Variants in LDLRAD4 observed in about 807,000 individuals in gnomAD.
LDLRAD4 encodes low-density lipoprotein receptor class A domain-containing protein 4.
A neutral mutation model predicts 17.0 loss-of-function variants in LDLRAD4; 5 were observed. That is an observed-to-expected ratio of 0.29 (90% confidence interval 0.15 to 0.62). The LOEUF is 0.62. Among genes scored for constraint, LDLRAD4 ranks in the 20% least tolerant of loss-of-function variants. The pLI, the probability that LDLRAD4 is intolerant of heterozygous loss-of-function variation, is 0.84. For missense variants in LDLRAD4, 340 were observed against 424.7 expected (o/e 0.80, Z 1.75); for synonymous variants, 168 against 171.8 (o/e 0.98, Z 0.17).
intron 2 of LDLRAD4, among the ~76,000 whole-genome samples, chr18:13,389,607 G>A (rs1322811331): frequency 2.0e-5 from 3 of 152,208 alleles, no homozygotes; most frequent in Non-Finnish European, 2.9e-5. Flanking sequence ...CTCTTAGGAA[G>A]CTGCCCTGAC....
At chr18:13,630,995 CTG>C (rs1052740835) in intron 4 of LDLRAD4, among the ~76,000 whole-genome samples, 1 of 152,090 alleles carries the variant, frequency 6.6e-6, no homozygotes. Flanking sequence ...CTGGGGTCCT[CTG>C]TGTGTGTGTG....
intron 2 of LDLRAD4, among the ~76,000 whole-genome samples, chr18:13,435,640 G>A (rs1290482279): frequency 6.6e-6 from 1 of 152,106 alleles, no homozygotes; most frequent in Admixed American, 6.5e-5. Context: ...TAGAGACAGG[G>A]TCTCGCTTTG....
chr18:13,473,592 G>A (rs995486637), intron 3 of LDLRAD4, among the ~76,000 whole-genome samples: 1 of 139,126 alleles, frequency 7.2e-6, no homozygotes, highest in Non-Finnish European at 1.5e-5. Flanking sequence ...AGCTATGATC[G>A]TGTCACTACA....
chr18:13,481,793 T>C lies in LDLRAD4; in HGVS notation c.181+43409T>C, dbSNP rs377672659. Among the ~76,000 whole-genome samples the C allele has an allele frequency of 3.9e-5, 6 of 151,972 alleles. 1 individual carries two copies. In the East Asian group the frequency reaches 1.2e-3, roughly 29 times the overall value. ...CATGAGCCCCTCTAGGAAGGGAGGA[T>C]GGTTAGATTCATCATTATGGGAGTG... On this transcript the variant is annotated intron_variant, in intron 3 of 5. Transcript: ENST00000359446.
chr18:13,393,371 G>A (rs1329568825), intron 2 of LDLRAD4, among the ~76,000 whole-genome samples: 3 of 152,152 alleles, frequency 2.0e-5, no homozygotes, highest in Non-Finnish European at 2.9e-5. Context: ...GGCAGGCAGC[G>A]GGCAGTGTTT....
intron 1 of LDLRAD4, among the ~76,000 whole-genome samples, chr18:13,250,063 T>C (rs1268606602): frequency 6.6e-6 from 1 of 152,246 alleles, no homozygotes; most frequent in Non-Finnish European, 1.5e-5. Context: ...CCTAGCACTA[T>C]TTATCGAAGA....
At chr18:13,381,721 C>T (rs557202948) in intron 1 of LDLRAD4, among the ~76,000 whole-genome samples, 82 of 152,298 alleles carry the variant, frequency 5.4e-4, no homozygotes, top group Middle Eastern at 3.4e-3. Context: ...GACACCTGGT[C>T]CCAGCTCAAG....
At chr18:13,373,659 C>G (rs549955029) in intron 1 of LDLRAD4, among the ~76,000 whole-genome samples, 1 of 152,230 alleles carries the variant, frequency 6.6e-6, no homozygotes, top group Non-Finnish European at 1.5e-5. Context: ...TGAAATAGCT[C>G]CCCTTTTATA....
rs1169414369 is a variant in LDLRAD4 at position 13,509,333 on chromosome 18, C to A, written c.181+70949C>A. ...TGTCTCAAAGACAGCAACAAAAACA[C>A]AACAGGTATTTGGAAGAATTGGGTT... On this transcript the variant is annotated intron_variant, in intron 3 of 5. Transcript: ENST00000359446. Among the ~76,000 whole-genome samples, 12 of 152,286 alleles carry A rather than the reference C, an allele frequency of 7.9e-5. No individual in the cohort carries two copies. The East Asian group carries it at 1.3e-3, about 17-fold the overall frequency.
chr18:13,380,718 T>G (rs1046094171), intron 1 of LDLRAD4, among the ~76,000 whole-genome samples: 2 of 152,234 alleles, frequency 1.3e-5, no homozygotes, highest in African/African-American at 4.8e-5. Context: ...TTATTGCTTT[T>G]CCTGTTTGCA....
At chr18:13,523,315 A>AG (rs1416934452) in intron 3 of LDLRAD4, among the ~76,000 whole-genome samples, 1 of 152,160 alleles carries the variant, frequency 6.6e-6, no homozygotes, top group Admixed American at 6.5e-5. Flanking sequence ...GTGAGTCTTT[A>AG]GGGGGGACAT....
intron 3 of LDLRAD4, among the ~76,000 whole-genome samples, chr18:13,586,766 T>C (rs1281263766): frequency 1.3e-5 from 2 of 150,994 alleles, no homozygotes; most frequent in Admixed American, 1.3e-4. Flanking sequence ...CGCACACCTG[T>C]AATCCCACAT....
chr18:13,312,330 T>G (rs1029465729), intron 1 of LDLRAD4, among the ~76,000 whole-genome samples: 1 of 152,252 alleles, frequency 6.6e-6, no homozygotes, highest in African/African-American at 2.4e-5. Flanking sequence ...TATCTCATTA[T>G]GTACATGCAG....
At position 13,385,745 on chromosome 18, in the gene LDLRAD4, C is replaced by T. The variant is rs1006959673; in HGVS notation, c.-382-1596C>T. On this transcript the variant is annotated intron_variant, in intron 1 of 5. Transcript: ENST00000359446. ...GATGCTAGTGCAACTAGTTTTCTTC[C>T]GAAGTTCCTGTAGGACCTGCATGTT... Among the ~76,000 whole-genome samples, 7 of 152,258 alleles carry T rather than the reference C, an allele frequency of 4.6e-5. No individual in the cohort carries two copies. The East Asian group carries it at 7.7e-4, about 17-fold the overall frequency.
At chr18:13,321,861 C>CAAAAAAAAAAAAAGAAAAAAA (rs2081242564) in intron 1 of LDLRAD4, among the ~76,000 whole-genome samples, 2 of 62,140 alleles carry the variant, frequency 3.2e-5, no homozygotes, top group African/African-American at 1.3e-4. Context: ...GACTCCGTCT[C>CAAAAAAAAAAAAAGAAAAAAA]AAAAAAAAAA....
At chr18:13,625,514 C>T (rs1343967127) in intron 4 of LDLRAD4, among the ~76,000 whole-genome samples, 1 of 152,120 alleles carries the variant, frequency 6.6e-6, no homozygotes, top group Admixed American at 6.5e-5. Flanking sequence ...CAGACAGCAT[C>T]ACTGTGGCCC....
At position 13,512,223 on chromosome 18, in the gene LDLRAD4, C is replaced by T. The variant is rs372406816; in HGVS notation, c.181+73839C>T. 9.2e-5 allele frequency among the ~76,000 whole-genome samples: 14 copies of T among 152,194 alleles called. No homozygotes were observed. In the East Asian group the frequency reaches 2.7e-3, roughly 29 times the overall value. On this transcript the variant is annotated intron_variant, in intron 3 of 5. Coordinates refer to ENST00000359446, the Ensembl canonical transcript of LDLRAD4. ...TAGCTATGCCATTATTTTAACCCCT[C>T]AGCCACACATCTGCTGTGGCATGAA...
intron 4 of LDLRAD4, among the ~76,000 whole-genome samples, chr18:13,635,544 A>T (rs189663296): frequency 1.5e-4 from 23 of 152,276 alleles, no homozygotes; most frequent in Admixed American, 9.8e-4. Flanking sequence ...AGATCCGGTG[A>T]TATTTTTTCT....
intron 3 of LDLRAD4, among the ~76,000 whole-genome samples, chr18:13,473,948 G>C (rs948766356): frequency 6.6e-6 from 1 of 151,940 alleles, no homozygotes; most frequent in Non-Finnish European, 1.5e-5. Flanking sequence ...GTGGAGTCTG[G>C]TAGGAGGTGG....
Sources: allele counts gnomAD v4.1 joint callset (sites outside exome capture counted in the v4.1 genomes callset), GRCh38; gene constraint gnomAD v4.1.1; transcripts MANE v1.5; gene names NCBI Gene and HGNC (gene_info 2026-07-23, HGNC 2026-07-21).